Variants in DLG2 observed in about 807,000 individuals in gnomAD.
DLG2 encodes the protein disks large homolog 2.
Under a neutral mutation model 132.5 loss-of-function variants are expected in DLG2, and 45 were observed. The ratio of observed to expected loss-of-function variants is 0.34; its 90% confidence interval spans 0.27 to 0.44. The LOEUF is 0.44. Among genes scored for constraint, DLG2 ranks in the 20% least tolerant of loss-of-function variants. DLG2 has a pLI of 1.00. For missense variants in DLG2, 1,045 were observed against 1,196.9 expected, an observed-to-expected ratio of 0.87 and a Z score of 1.87; for synonymous variants, 424 against 419.6, an observed-to-expected ratio of 1.01 and a Z score of -0.13.
Position 83,658,544 on chromosome 11 carries a change from T to C in DLG2, c.1826-25219A>G, listed in dbSNP as rs541679050. Among the ~76,000 whole-genome samples the C allele has an allele frequency of 9.8e-5, 15 of 152,394 alleles. No homozygotes were observed. In the East Asian group the frequency reaches 2.7e-3, roughly 27 times the overall value. On this transcript the variant is annotated intron_variant, in intron 18 of 27. Transcript: ENST00000376104. Reference sequence around the variant, plus strand: ...CTGACACCATTTGACTTTCATTTTTTTATAAGCGAAATGATTTGCAATGAA... The same window carrying C: ...CTGACACCATTTGACTTTCATTTTTCTATAAGCGAAATGATTTGCAATGAA...
intron 3 of DLG2, among the ~76,000 whole-genome samples, chr11:85,380,735 G>A (rs1473635928): frequency 6.6e-6 from 1 of 152,178 alleles, no homozygotes. Flanking sequence ...AGTTAACTAT[G>A]CATCAAATTG....
At position 85,168,111 on chromosome 11, in the gene DLG2, T is replaced by C. The variant is rs560378800; in HGVS notation, c.187-13460A>G. Among the ~76,000 whole-genome samples, 4 of 152,250 alleles carry C rather than the reference T, an allele frequency of 2.6e-5. No homozygotes were observed. The South Asian group carries it at 8.3e-4, about 32-fold the overall frequency. ...GTCCACCTTATTTGTTGATTCAATA[T>C]ACATGTATTAAATTGTATTACATGC... On this transcript the variant is annotated intron_variant, in intron 4 of 27. Coordinates refer to ENST00000376104, the MANE Select transcript of DLG2 (RefSeq NM_001142699.3).
chr11:85,501,296 G>C (rs1307683242), intron 3 of DLG2, among the ~76,000 whole-genome samples: 1 of 152,066 alleles, frequency 6.6e-6, no homozygotes, highest in Non-Finnish European at 1.5e-5. Context: ...TTAAACATAA[G>C]ACCTAGGACC....
At chr11:83,825,414 C>G (rs1202781719) in intron 17 of DLG2, among the ~76,000 whole-genome samples, 1 of 151,862 alleles carries the variant, frequency 6.6e-6, no homozygotes, top group Non-Finnish European at 1.5e-5. Context: ...CTCCCCACCT[C>G]AGGTGAACTG....
At chr11:83,972,725 C>T (rs939990866) in intron 12 of DLG2, among the ~76,000 whole-genome samples, 4 of 152,128 alleles carry the variant, frequency 2.6e-5, no homozygotes, top group Non-Finnish European at 5.9e-5. Flanking sequence ...ATTTGTGTTG[C>T]ATTCTATTTT....
chr11:83,895,145 C>CTTTTTTTTTTTTTTTTTTTTTTTTT (rs11287512), intron 15 of DLG2, among the ~76,000 whole-genome samples: 1 of 87,902 alleles, frequency 1.1e-5, no homozygotes, highest in African/African-American at 5.0e-5. Flanking sequence ...GAACTACTGT[C>CTTTTTTTTTTTTTTTTTTTTTTTTT]TTTTTTTTTT....
At chr11:84,581,085 C>A (rs2099515238) in intron 6 of DLG2, among the ~76,000 whole-genome samples, 1 of 152,178 alleles carries the variant, frequency 6.6e-6, no homozygotes, top group African/African-American at 2.4e-5. Context: ...AACAGCTGCT[C>A]TCCCTTTTTT....
At chr11:85,229,029 C>A (rs907081530) in intron 4 of DLG2, among the ~76,000 whole-genome samples, 1 of 151,484 alleles carries the variant, frequency 6.6e-6, no homozygotes, top group East Asian at 1.9e-4. Flanking sequence ...TAATATGCCT[C>A]CTTAAATTAT....
intron 15 of DLG2, among the ~76,000 whole-genome samples, chr11:83,913,912 G>A (rs2076486064): frequency 6.6e-6 from 1 of 152,178 alleles, no homozygotes; most frequent in Non-Finnish European, 1.5e-5. Context: ...TGTGGATAAT[G>A]AATTGCAGGT....
intron 9 of DLG2, among the ~76,000 whole-genome samples, chr11:84,113,770 A>C (rs1244133048): frequency 6.6e-6 from 1 of 152,204 alleles, no homozygotes; most frequent in Non-Finnish European, 1.5e-5. Context: ...GGTTCATTTA[A>C]AGTGCAAGAT....
intron 6 of DLG2, among the ~76,000 whole-genome samples, chr11:84,688,280 G>A (rs2099739848): frequency 6.6e-6 from 1 of 152,146 alleles, no homozygotes; most frequent in South Asian, 2.1e-4. Flanking sequence ...ATACAGCAGT[G>A]TTAGGTCTCA....
At chr11:84,280,967 C>A (rs929881514) in intron 7 of DLG2, among the ~76,000 whole-genome samples, 1 of 150,196 alleles carries the variant, frequency 6.7e-6, no homozygotes, top group Admixed American at 6.6e-5. Flanking sequence ...GTGATCCGCC[C>A]GCCTCGGCCT....
At chr11:85,331,081 G>A (rs946463230) in intron 3 of DLG2, among the ~76,000 whole-genome samples, 1 of 152,094 alleles carries the variant, frequency 6.6e-6, no homozygotes, top group African/African-American at 2.4e-5. Context: ...ATATGCCCAA[G>A]TACAAAAATA....
intron 18 of DLG2, among the ~76,000 whole-genome samples, chr11:83,745,917 G>A (rs985918456): frequency 5.3e-5 from 8 of 152,152 alleles, no homozygotes; most frequent in African/African-American, 1.9e-4. Flanking sequence ...AGTGGACAAA[G>A]GATATGAACA....
intron 19 of DLG2, among the ~76,000 whole-genome samples, chr11:83,606,712 G>C (rs1392092759): frequency 2.0e-5 from 3 of 151,876 alleles, no homozygotes; most frequent in Non-Finnish European, 4.4e-5. Flanking sequence ...CGGATCACGA[G>C]GTCAGGAGAT....
intron 7 of DLG2, among the ~76,000 whole-genome samples, chr11:84,503,888 T>C (rs1446824534): frequency 1.3e-5 from 2 of 152,200 alleles, no homozygotes; most frequent in African/African-American, 2.4e-5. Flanking sequence ...TCAATGTTTA[T>C]TCCTTCTTAG....
intron 3 of DLG2, among the ~76,000 whole-genome samples, chr11:85,403,961 G>A (rs1193449975): frequency 6.6e-6 from 1 of 152,036 alleles, no homozygotes; most frequent in Non-Finnish European, 1.5e-5. Flanking sequence ...GGTTGTAATA[G>A]GTGAAGCGGG....
chr11:84,843,385 A>G (rs985752636), intron 6 of DLG2, among the ~76,000 whole-genome samples: 6 of 151,832 alleles, frequency 4.0e-5, no homozygotes, highest in Non-Finnish European at 8.8e-5. Context: ...TAGTTACTTG[A>G]GTGAGCTTCT....
chr11:84,568,721 A>G (rs964421189), intron 6 of DLG2, among the ~76,000 whole-genome samples: 37 of 152,140 alleles, frequency 2.4e-4, no homozygotes, highest in African/African-American at 8.9e-4. Context: ...AGATTGGCTT[A>G]ACCTGGGAAG....
Sources: allele counts gnomAD v4.1 joint callset (sites outside exome capture counted in the v4.1 genomes callset), GRCh38; gene constraint gnomAD v4.1.1; transcripts MANE v1.5; gene names NCBI Gene and HGNC (gene_info 2026-07-23, HGNC 2026-07-21).